Variants in NEB observed in about 807,000 individuals in gnomAD.
NEB encodes the protein nemaline myopathy type 2.
Under a neutral mutation model 952.2 loss-of-function variants are expected in NEB, and 512 were observed. That is an observed-to-expected ratio of 0.54 (90% CI 0.50 to 0.58). The LOEUF (loss-of-function observed/expected upper bound fraction) is 0.58. Among genes scored for constraint, NEB ranks in the 20% least tolerant of loss-of-function variants. The probability of loss-of-function intolerance (pLI) is 0.00; values close to 1 mark genes in which losing one functional copy is unlikely to be tolerated. For synonymous variants in NEB, 2,900 were observed against 3,149.8 expected (o/e 0.92, Z 2.66); for missense variants, 8,428 against 9,231.1 (o/e 0.91, Z 3.56).
chr2:151,497,995 G>A (rs2061455979), intron 170 of NEB: 2 of 1,433,166 alleles, frequency 1.4e-6, no homozygotes, highest in African/African-American at 2.9e-5. Flanking sequence ...AATCACATGA[G>A]GATTTGAGAC....
At chr2:151,562,865 C>A (rs549421303) in intron 119 of NEB, 57 bp from the exon 120 acceptor site, 1 of 1,281,710 alleles carries the variant, frequency 7.8e-7, no homozygotes, top group South Asian at 1.3e-5. Context: ...TTATTCAGAT[C>A]AATGTCTTTT....
rs1553603437 is a variant in NEB at position 151,695,576 on chromosome 2, A to G, written c.1674+2T>C. ...ACATGGTACAGGGCATAAGGAACTTACATCACTCAAGTTATAGGCATTGAC... is the reference window on the plus strand; with the variant it reads ...ACATGGTACAGGGCATAAGGAACTTGCATCACTCAAGTTATAGGCATTGAC... On this transcript the variant is annotated splice_donor_variant, in intron 18 of 181. Transcript: ENST00000397345. LOFTEE classifies it high-confidence loss of function. 3 of 1,609,814 alleles carry G rather than the reference A, an allele frequency of 1.9e-6. No homozygotes were observed. The highest frequency in any genetic ancestry group is 2.6e-6 in the Non-Finnish European group (3 of 1,176,238).
intron 68 of NEB, among the ~76,000 whole-genome samples, chr2:151,628,078 G>A (rs2098558537): frequency 1.3e-5 from 2 of 152,118 alleles, no homozygotes. Flanking sequence ...ATAGTCCAGT[G>A]GGAAGACAGG....
intron 55 of NEB, 52 bp from the exon 56 acceptor site, chr2:151,644,627 A>G: frequency 7.1e-7 from 1 of 1,407,042 alleles, no homozygotes; most frequent in Non-Finnish European, 1.0e-6. Context: ...ATAGACAAAT[A>G]TAGCATAATG....
intron 71 of NEB, among the ~76,000 whole-genome samples, chr2:151,622,281 C>T (rs978873146): frequency 2.0e-5 from 3 of 152,194 alleles, no homozygotes; most frequent in African/African-American, 4.8e-5. Flanking sequence ...AGCCACTGCA[C>T]CCAGCCATGT....
Position 151,537,970 on chromosome 2 carries a change from A to G in NEB, c.21004T>C (p.Tyr7002His). 1 of 1,610,982 alleles carries G rather than the reference A, an allele frequency of 6.2e-7. No individual in the cohort carries two copies. The highest frequency in any genetic ancestry group is 8.5e-7 in the Non-Finnish European group (1 of 1,177,468). ...KVTDDISKIK[Y>H]KENYMSQLGI... is the part of the protein sequence containing the mutation. ...AACTGGCTCATGTAGTTCTCCTTGTATTTTATCTGTTATAAAAAACACAAA... is the reference window on the plus strand; with the variant it reads ...AACTGGCTCATGTAGTTCTCCTTGTGTTTTATCTGTTATAAAAAACACAAA... The change falls in exon 140 of 182, where the codon TAC (tyrosine) becomes CAC (histidine). Residue 7002 changes from tyrosine to histidine, a missense_variant. Physicochemically the swap from Tyr to His is moderately conservative, Grantham distance 83. Transcript: ENST00000397345.
In NEB at chr2:151,627,540, AGGCCTGCCGAGCAT is replaced by A; in HGVS notation, c.10112_10125del (p.His3371LeufsTer2). ...TTACTCACATCGCTCTGGAGGTCAT[AGGCCTGCCGAGCAT>A]GGATGACATCATTCTGGTCGGGCAG... On this transcript the variant is annotated frameshift_variant, in exon 69 of 182. Transcript: ENST00000397345. LOFTEE classifies it high-confidence loss of function. The A allele has an allele frequency of 6.2e-7, 1 of 1,613,986 alleles. No homozygotes were observed. The highest frequency in any genetic ancestry group is 2.2e-5 in the East Asian group (1 of 44,884).
In NEB at chr2:151,553,406, G is replaced by A. The variant is rs757108531; in HGVS notation, c.19723C>T (p.Arg6575Cys). The A allele has an allele frequency of 9.3e-6, 15 of 1,610,356 alleles. No homozygotes were observed. The highest frequency in any genetic ancestry group is 1.3e-5 in the African/African-American group (1 of 74,826). Reference protein sequence around the residue: ...ILHAKHAYDLRDDIKYKAHML... With the variant: ...ILHAKHAYDLCDDIKYKAHML... ...AAACAAGGCAAACTCACATCATCAC[G>A]TAGATCATAAGCATGCTTGGCATGG... Residue 6575 changes from arginine to cysteine, a missense_variant, in exon 127 of 182, where the codon CGT (arginine) becomes TGT (cysteine). Coordinates refer to ENST00000397345, the MANE Select transcript of NEB (RefSeq NM_001164508.2).
At chr2:151,669,003 A>C in intron 39 of NEB, 24 bp downstream of exon 39, 1 of 1,511,652 alleles carries the variant, frequency 6.6e-7, no homozygotes, top group Non-Finnish European at 9.1e-7. Flanking sequence ...CATACGCAAT[A>C]TTAGCACTGG....
At chr2:151,577,409 C>G in intron 105 of NEB, among the ~76,000 whole-genome samples, 1 of 152,190 alleles carries the variant, frequency 6.6e-6, no homozygotes, top group East Asian at 1.9e-4. Context: ...TCCTAACCAA[C>G]CCAACTTCTA....
Position 151,682,725 on chromosome 2 carries a change from GCCACAA to G in NEB, c.2874_2879del (p.Cys959_Gly960del). 6.2e-7 allele frequency: 1 copy of G among 1,613,404 alleles called. No individual in the cohort carries two copies. The highest frequency in any genetic ancestry group is 1.3e-5 in the African/African-American group (1 of 75,006). Reference sequence around the variant, plus strand: ...TTTCTAAGGACCCAAAAGGCACCCAGCCACAACCTTTCATCCAGCTATTGTAGTCAG... The same window carrying G: ...TTTCTAAGGACCCAAAAGGCACCCAGCCTTTCATCCAGCTATTGTAGTCAG... On this transcript the variant is annotated inframe_deletion, in exon 29 of 182. Coordinates refer to ENST00000397345, the MANE Select transcript of NEB (RefSeq NM_001164508.2).
At chr2:151,729,068 GA>G (rs10712295) in intron 4 of NEB, among the ~76,000 whole-genome samples, 100,739 of 150,924 alleles carry the variant, frequency 0.67, 37,802 homozygotes, top group Non-Finnish European at 0.83. Flanking sequence ...ATTTCACCTT[GA>G]AAAAAAAAAG....
chr2:151,672,341 C>A, intron 37 of NEB, 28 bp downstream of exon 37: 1 of 1,542,430 alleles, frequency 6.5e-7, no homozygotes, highest in South Asian at 1.3e-5. Context: ...GTGCAAACAT[C>A]TCTGGGTCTG....
chr2:151,633,981 A>G lies in NEB; in HGVS notation c.9103-16T>C. The G allele has an allele frequency of 6.2e-7, 1 of 1,606,870 alleles. No homozygotes were observed. Among genetic ancestry groups the G allele is most frequent in the South Asian group, 1.1e-5 (1 of 90,510 alleles). The stretch of plus-strand genomic sequence containing the variant: ...TATATTTGTACTAAAATGAAAATGC[A>G]CAAATCAGGTTTTTATTGTAACCCC... On this transcript the variant is annotated splice_polypyrimidine_tract_variant and intron_variant, in intron 64 of 181. Transcript: ENST00000397345.
intron 37 of NEB, among the ~76,000 whole-genome samples, chr2:151,671,737 C>CTATG (rs1308387654): frequency 1.3e-5 from 2 of 152,184 alleles, no homozygotes; most frequent in Non-Finnish European, 2.9e-5. Context: ...TCCACCTAGG[C>CTATG]TATGCTTGAG....
At position 151,492,007 on chromosome 2, in the gene NEB, T is replaced by TTA. The variant is rs2057001440; in HGVS notation, c.25057+89_25057+90dup. The stretch of plus-strand genomic sequence containing the variant: ...CTCTAGAAAAACAGATTGAAGTCCT[T>TTA]TATGTTTTGACTTGATGTAGGTAAT... On this transcript the variant is annotated intron_variant, in intron 178 of 181. Coordinates refer to ENST00000397345, the MANE Select transcript of NEB (RefSeq NM_001164508.2). 6 of 1,342,094 alleles carry TTA rather than the reference T, an allele frequency of 4.5e-6. No individual in the cohort carries two copies. In the Admixed American group the frequency reaches 5.7e-5, roughly 13 times the overall value. The allele number at this position is 1,342,094 out of a possible 1,614,324, so 83.1% of individuals were successfully genotyped here.
At chr2:151,500,593 C>CTTTTTTTTTTTTTT (rs11428843) in intron 168 of NEB, among the ~76,000 whole-genome samples, 1 of 118,458 alleles carries the variant, frequency 8.4e-6, no homozygotes, top group East Asian at 2.5e-4. Context: ...TTCTTTCTTC[C>CTTTTTTTTTTTTTT]TTTTTTTTTT....
chr2:151,528,710 A>T (rs2088286444), intron 146 of NEB, among the ~76,000 whole-genome samples: 1 of 152,192 alleles, frequency 6.6e-6, no homozygotes, highest in Non-Finnish European at 1.5e-5. Context: ...GCACAAAATT[A>T]TTTCTGTAGT....
intron 156 of NEB, 143 bp downstream of exon 156, chr2:151,518,175 T>G: frequency 2.9e-6 from 2 of 688,506 alleles, no homozygotes; most frequent in Non-Finnish European, 5.3e-6. Flanking sequence ...ACATAAGAAT[T>G]TGTTTCAAAA....
Sources: allele counts gnomAD v4.1 joint callset (sites outside exome capture counted in the v4.1 genomes callset), GRCh38; gene constraint gnomAD v4.1.1; transcripts MANE v1.5; gene names NCBI Gene and HGNC (gene_info 2026-07-23, HGNC 2026-07-21).